Variants in KCNIP4 observed in about 807,000 individuals in gnomAD.
KCNIP4 encodes potassium voltage-gated channel interacting protein 4.
Under a neutral mutation model 34.0 loss-of-function variants are expected in KCNIP4, and 12 were observed. That is an observed-to-expected ratio of 0.35 (90% CI 0.23 to 0.57). The LOEUF (loss-of-function observed/expected upper bound fraction) is 0.57, where lower values mean the gene tolerates loss of function less well. KCNIP4 is among the 20% of genes least tolerant of loss of function. KCNIP4 has a pLI of 0.83. For synonymous variants in KCNIP4, 124 were observed against 102.2 expected (o/e 1.21, Z -1.29); for missense variants, 238 against 311.7 (o/e 0.76, Z 1.78).
chr4:20,785,985 A>G (rs991340418), intron 3 of KCNIP4, among the ~76,000 whole-genome samples: 4 of 152,164 alleles, frequency 2.6e-5, no homozygotes, highest in African/African-American at 9.7e-5. Context: ...TCTACTAAAA[A>G]GACACATGCA....
intron 1 of KCNIP4, among the ~76,000 whole-genome samples, chr4:21,748,158 C>A (rs759041266): frequency 2.0e-5 from 3 of 152,106 alleles, no homozygotes; most frequent in Non-Finnish European, 4.4e-5. Context: ...GAAATTAATA[C>A]AATGCTATAT....
intron 1 of KCNIP4, among the ~76,000 whole-genome samples, chr4:21,383,008 G>C (rs1393271074): frequency 6.6e-6 from 1 of 152,124 alleles, no homozygotes; most frequent in Non-Finnish European, 1.5e-5. Flanking sequence ...AAGTTAAAAT[G>C]ATGCCATTAG....
At chr4:21,561,992 G>C (rs6835261) in intron 1 of KCNIP4, among the ~76,000 whole-genome samples, 29,616 of 151,664 alleles carry the variant, frequency 0.2, 3,120 homozygotes, top group East Asian at 0.32. Flanking sequence ...ATTATAGCTT[G>C]GTCAGGGTAT....
At chr4:21,900,499 C>T (rs1727644744) in intron 1 of KCNIP4, among the ~76,000 whole-genome samples, 1 of 152,116 alleles carries the variant, frequency 6.6e-6, no homozygotes, top group Non-Finnish European at 1.5e-5. Context: ...GAAAGTAGTA[C>T]CAATCCAGTA....
chr4:20,828,069 A>C (rs1327259864), intron 3 of KCNIP4, among the ~76,000 whole-genome samples: 1 of 152,288 alleles, frequency 6.6e-6, no homozygotes, highest in East Asian at 1.9e-4. Context: ...TGGAAACTAC[A>C]ATTTCCTCAT....
intron 1 of KCNIP4, among the ~76,000 whole-genome samples, chr4:21,634,310 A>T (rs1337629060): frequency 6.6e-6 from 1 of 151,678 alleles, no homozygotes; most frequent in African/African-American, 2.4e-5. Context: ...AATCTCATTC[A>T]ATGGAAGTCA....
At chr4:21,101,404 TATACACAC>T (rs1560720836) in intron 1 of KCNIP4, among the ~76,000 whole-genome samples, 3 of 152,214 alleles carry the variant, frequency 2.0e-5, no homozygotes, top group Admixed American at 1.3e-4. Context: ...TGTGTGGGTG[TATACACAC>T]ATACACACAC....
chr4:21,731,746 T>C (rs1413039983), intron 1 of KCNIP4, among the ~76,000 whole-genome samples: 1 of 152,140 alleles, frequency 6.6e-6, no homozygotes, highest in East Asian at 1.9e-4. Flanking sequence ...ACATAACTCA[T>C]GGTTAATGTC....
intron 3 of KCNIP4, among the ~76,000 whole-genome samples, chr4:20,824,733 T>C (rs1460511060): frequency 6.6e-6 from 1 of 152,152 alleles, no homozygotes; most frequent in African/African-American, 2.4e-5. Flanking sequence ...TAAAGTCCTA[T>C]AGTTGCATGG....
chr4:21,113,653 C>T (rs12643371), intron 1 of KCNIP4, among the ~76,000 whole-genome samples: 44,985 of 151,902 alleles, frequency 0.3, 7,442 homozygotes, highest in African/African-American at 0.45. Context: ...AGCCCATGTG[C>T]AAGCATTAGC....
At chr4:21,271,782 A>C (rs940813294) in intron 1 of KCNIP4, among the ~76,000 whole-genome samples, 1 of 152,150 alleles carries the variant, frequency 6.6e-6, no homozygotes, top group African/African-American at 2.4e-5. Flanking sequence ...AAGGGACAGG[A>C]ACTATTGGTT....
intron 1 of KCNIP4, among the ~76,000 whole-genome samples, chr4:21,107,069 A>T (rs988435125): frequency 6.8e-6 from 1 of 147,096 alleles, no homozygotes; most frequent in Non-Finnish European, 1.5e-5. Context: ...AAAAATGTAT[A>T]TTCTGTTGAT....
intron 1 of KCNIP4, among the ~76,000 whole-genome samples, chr4:21,670,857 T>C (rs192573981): frequency 0.015 from 2,274 of 152,010 alleles, 59 homozygotes; most frequent in East Asian, 0.067. Flanking sequence ...GGGGTTTCAC[T>C]GTGTTAGCCA....
intron 1 of KCNIP4, among the ~76,000 whole-genome samples, chr4:21,679,111 A>G (rs956111409): frequency 1.3e-5 from 2 of 152,108 alleles, no homozygotes; most frequent in Non-Finnish European, 2.9e-5. Flanking sequence ...CTGACTTTGG[A>G]CTTCTAGCCT....
At chr4:21,260,428 G>T (rs1273663385) in intron 1 of KCNIP4, among the ~76,000 whole-genome samples, 1 of 152,132 alleles carries the variant, frequency 6.6e-6, no homozygotes, top group African/African-American at 2.4e-5. Flanking sequence ...ACATTTTTGC[G>T]TTGTTTAGGA....
intron 1 of KCNIP4, among the ~76,000 whole-genome samples, chr4:21,340,591 G>T (rs558849536): frequency 6.6e-6 from 1 of 151,976 alleles, no homozygotes; most frequent in East Asian, 1.9e-4. Context: ...TCTTCTAAGG[G>T]CATCTAAAGG....
chr4:21,233,465 G>A (rs147535719), intron 1 of KCNIP4, among the ~76,000 whole-genome samples: 116 of 152,202 alleles, frequency 7.6e-4, no homozygotes, highest in African/African-American at 2.6e-3. Context: ...AGATTTCTGA[G>A]TATATTTATA....
At chr4:21,771,502 G>A (rs1018981406) in intron 1 of KCNIP4, among the ~76,000 whole-genome samples, 1 of 152,060 alleles carries the variant, frequency 6.6e-6, no homozygotes, top group African/African-American at 2.4e-5. Context: ...AGTTTAATGG[G>A]AATAGCATTG....
At chr4:21,307,244 T>C (rs944426512) in intron 1 of KCNIP4, among the ~76,000 whole-genome samples, 4 of 150,610 alleles carry the variant, frequency 2.7e-5, no homozygotes, top group Non-Finnish European at 4.4e-5. Context: ...CTGAGGGTTT[T>C]TCTTTTTTTA....
Sources: allele counts gnomAD v4.1 joint callset (sites outside exome capture counted in the v4.1 genomes callset), GRCh38; gene constraint gnomAD v4.1.1; transcripts MANE v1.5; gene names NCBI Gene and HGNC (gene_info 2026-07-23, HGNC 2026-07-21).